The following GRIK1 variants were observed in gnomAD, a reference collection of about 807,000 sequenced individuals.
GRIK1 encodes glutamate receptor ionotropic, kainate 1.
In GRIK1, 69 loss-of-function variants were observed where a neutral mutation model predicts 105.7. The ratio of observed to expected loss-of-function variants is 0.65; its 90% confidence interval spans 0.54 to 0.80. The LOEUF is 0.80. GRIK1 is among the 30% of genes least tolerant of loss of function. The pLI, the probability that GRIK1 is intolerant of heterozygous loss-of-function variation, is 0.00. For missense variants in GRIK1, 1,109 were observed against 1,167.3 expected, an observed-to-expected ratio of 0.95 and a Z score of 0.73; for synonymous variants, 438 against 431.3, an observed-to-expected ratio of 1.02 and a Z score of -0.19.
intron 1 of GRIK1, among the ~76,000 whole-genome samples, chr21:29,907,159 C>G (rs1450992976): frequency 6.7e-6 from 1 of 149,388 alleles, no homozygotes; most frequent in African/African-American, 2.5e-5. Context: ...TTTTGTTTTT[C>G]TACTCTTACA....
At chr21:29,912,370 G>A (rs1008574193) in intron 1 of GRIK1, among the ~76,000 whole-genome samples, 1 of 151,938 alleles carries the variant, frequency 6.6e-6, no homozygotes, top group Admixed American at 6.6e-5. Context: ...CCTCTCCTCT[G>A]ACAAGAGACA....
intron 1 of GRIK1, among the ~76,000 whole-genome samples, chr21:29,696,618 C>T (rs2146746799): frequency 6.6e-6 from 1 of 152,340 alleles, no homozygotes; most frequent in Admixed American, 6.5e-5. Flanking sequence ...GATAGGGCTT[C>T]CACAGTGATT....
In GRIK1 at chr21:29,938,937, T is replaced by C. The variant is rs150107986; in HGVS notation, c.118+446A>G. On this transcript the variant is annotated intron_variant, in intron 1 of 17. Transcript: ENST00000327783. Reference sequence around the variant, plus strand: ...CCCTAGTGGTCCCTGTATTGTATTCTTGAGATTCGTGCATACTTGCCAGTG... The same window carrying C: ...CCCTAGTGGTCCCTGTATTGTATTCCTGAGATTCGTGCATACTTGCCAGTG... Among the ~76,000 whole-genome samples the C allele has an allele frequency of 1.1e-4, 16 of 152,266 alleles. No homozygotes were observed. In the East Asian group the frequency reaches 2.9e-3, roughly 28 times the overall value.
At chr21:29,558,532 C>T (rs1279814332) in intron 15 of GRIK1, among the ~76,000 whole-genome samples, 1 of 151,470 alleles carries the variant, frequency 6.6e-6, no homozygotes, top group African/African-American at 2.4e-5. Context: ...TCCAATTATT[C>T]CTTCATTGTT....
At chr21:29,805,748 G>T (rs2145872017) in intron 1 of GRIK1, among the ~76,000 whole-genome samples, 1 of 152,216 alleles carries the variant, frequency 6.6e-6, no homozygotes, top group African/African-American at 2.4e-5. Flanking sequence ...CAGCCATTAT[G>T]GTGCTCCTAC....
chr21:29,816,127 G>A lies in GRIK1; in HGVS notation c.119-122064C>T, dbSNP rs574316871. On this transcript the variant is annotated intron_variant, in intron 1 of 17. Transcript: ENST00000327783. ...GCCCAAAATAATCCCATTAAAATGT[G>A]GGCAAAGGATACGAATAGATATTTC... Among the ~76,000 whole-genome samples the A allele has an allele frequency of 2.5e-4, 38 of 152,078 alleles. 2 individuals carry two copies. In the South Asian group the frequency reaches 7.7e-3, roughly 31 times the overall value.
At chr21:29,591,306 A>G in intron 9 of GRIK1, 81 bp from the exon 10 acceptor site, 1 of 836,652 alleles carries the variant, frequency 1.2e-6, no homozygotes, top group Non-Finnish European at 2.1e-6. Context: ...CTCTACCAGG[A>G]ATGGGCACAA....
chr21:29,860,218 A>C (rs531115758), intron 1 of GRIK1, among the ~76,000 whole-genome samples: 108 of 152,330 alleles, frequency 7.1e-4, no homozygotes, highest in Non-Finnish European at 1.1e-3. Flanking sequence ...ATAAGAGGCT[A>C]TCTACTCTAA....
chr21:29,847,255 C>T (rs1332220254), intron 1 of GRIK1, among the ~76,000 whole-genome samples: 1 of 152,140 alleles, frequency 6.6e-6, no homozygotes, highest in Non-Finnish European at 1.5e-5. Context: ...CTGCCATCTT[C>T]TATTTCTTTT....
intron 1 of GRIK1, among the ~76,000 whole-genome samples, chr21:29,929,092 A>C (rs915351818): frequency 4.6e-5 from 7 of 152,188 alleles, no homozygotes; most frequent in African/African-American, 1.7e-4. Flanking sequence ...CAATGACAAT[A>C]AAATAAAGCA....
intron 11 of GRIK1, 111 bp downstream of exon 11, chr21:29,588,728 A>T (rs1601194635): frequency 1.4e-6 from 1 of 693,788 alleles, no homozygotes; most frequent in South Asian, 1.9e-5. Context: ...TTTGCTTCTT[A>T]AAAAAATTGT....
intron 1 of GRIK1, among the ~76,000 whole-genome samples, chr21:29,821,240 T>G (rs2067298738): frequency 6.6e-6 from 1 of 152,012 alleles, no homozygotes; most frequent in Admixed American, 6.6e-5. Flanking sequence ...AAGAAAACCA[T>G]GAGAAAAATA....
intron 1 of GRIK1, among the ~76,000 whole-genome samples, chr21:29,716,683 A>G (rs1243852100): frequency 2.0e-5 from 3 of 152,208 alleles, no homozygotes; most frequent in Admixed American, 2.0e-4. Context: ...TCTGGTAGAA[A>G]AAATTTCTAA....
intron 16 of GRIK1, among the ~76,000 whole-genome samples, chr21:29,539,280 G>T (rs908655726): frequency 2.6e-5 from 4 of 152,124 alleles, no homozygotes; most frequent in Non-Finnish European, 5.9e-5. Flanking sequence ...AGGAGAAATT[G>T]CATTTAATAC....
intron 1 of GRIK1, among the ~76,000 whole-genome samples, chr21:29,696,524 CAA>C (rs1390919075): frequency 1.3e-5 from 2 of 152,248 alleles, no homozygotes. Flanking sequence ...CAAGATGATG[CAA>C]AAGACACTTG....
At chr21:29,874,621 G>A (rs2069129195) in intron 1 of GRIK1, among the ~76,000 whole-genome samples, 1 of 152,200 alleles carries the variant, frequency 6.6e-6, no homozygotes, top group African/African-American at 2.4e-5. Flanking sequence ...CCAGGGGTTG[G>A]GACCCCTGTT....
At chr21:29,588,639 G>A (rs1209121575) in intron 11 of GRIK1, among the ~76,000 whole-genome samples, 200 bp downstream of exon 11, 3 of 152,010 alleles carry the variant, frequency 2.0e-5, no homozygotes, top group Non-Finnish European at 4.4e-5. Flanking sequence ...ACAAACTAAT[G>A]CACCATATAT....
At chr21:29,681,469 C>T (rs557375883) in intron 3 of GRIK1, among the ~76,000 whole-genome samples, 2 of 152,340 alleles carry the variant, frequency 1.3e-5, no homozygotes, top group South Asian at 4.1e-4. Flanking sequence ...ACACTCTCAC[C>T]TGAGACATTA....
intron 1 of GRIK1, among the ~76,000 whole-genome samples, chr21:29,915,601 T>C (rs1403561811): frequency 6.6e-6 from 1 of 152,004 alleles, no homozygotes; most frequent in Non-Finnish European, 1.5e-5. Context: ...TATGACACTG[T>C]TTACTGCGGG....
Sources: allele counts gnomAD v4.1 joint callset (sites outside exome capture counted in the v4.1 genomes callset), GRCh38; gene constraint gnomAD v4.1.1; transcripts MANE v1.5; gene names NCBI Gene and HGNC (gene_info 2026-07-23, HGNC 2026-07-21).